ARIH1: variants seen among roughly 807,000 people sequenced by gnomAD.
ARIH1 encodes E3 ubiquitin-protein ligase ARIH1.
Under a neutral mutation model 85.0 loss-of-function variants are expected in ARIH1, and 8 were observed. That is an observed-to-expected ratio of 0.09 (90% CI 0.06 to 0.17). The LOEUF is 0.17. Among genes scored for constraint, ARIH1 ranks in the 10% least tolerant of loss-of-function variants. ARIH1 has a pLI of 1.00. For synonymous variants in ARIH1, 238 were observed against 253.6 expected (o/e 0.94, Z 0.59); for missense variants, 311 against 718.1 (o/e 0.43, Z 6.48).
At chr15:72,553,396 T>C (rs2140428337) in intron 3 of ARIH1, among the ~76,000 whole-genome samples, 1 of 152,318 alleles carries the variant, frequency 6.6e-6, no homozygotes, top group East Asian at 1.9e-4. Context: ...TCATAACAGG[T>C]TTATTGAGAT....
At chr15:72,500,004 G>T (rs1358396642) in intron 1 of ARIH1, among the ~76,000 whole-genome samples, 2 of 152,126 alleles carry the variant, frequency 1.3e-5, no homozygotes, top group African/African-American at 4.8e-5. Flanking sequence ...AGATTGGCTA[G>T]GTTGGAAACT....
At chr15:72,566,720 T>G in intron 8 of ARIH1, 115 bp downstream of exon 8, 1 of 903,088 alleles carries the variant, frequency 1.1e-6, no homozygotes, top group Non-Finnish European at 1.7e-6. Context: ...TTTTTTATCC[T>G]TTTAATTTCA....
chr15:72,545,769 C>T (rs1311410368), intron 3 of ARIH1, among the ~76,000 whole-genome samples: 1 of 152,232 alleles, frequency 6.6e-6, no homozygotes, highest in East Asian at 1.9e-4. Context: ...GCAGAGGTTA[C>T]AGTGAGCTGA....
At chr15:72,476,230 A>T (rs575671511) in intron 1 of ARIH1, among the ~76,000 whole-genome samples, 2 of 152,254 alleles carry the variant, frequency 1.3e-5, no homozygotes, top group Non-Finnish European at 2.9e-5. Flanking sequence ...TGAAGCATCT[A>T]TTCAGGCACT....
At position 72,594,811 on chromosome 15, in the gene ARIH1, C is replaced by CTTTTTTTTTTTTTTTTTTTTTTTTTTTTT. The variant is rs71137306; in HGVS notation, c.*11546_*11547insTTTTTTTTTTTTTTTTTTTTTTTTTTTTT. On this transcript the variant is annotated 3_prime_UTR_variant, in exon 14 of 14. Transcript: ENST00000379887. ...TTTTTCTGATTTTATGCCTTTTCTT[C>CTTTTTTTTTTTTTTTTTTTTTTTTTTTTT]TTTTTTTTTTTTTTTTTTTTTTTTT... 8 of 79,624 alleles carry CTTTTTTTTTTTTTTTTTTTTTTTTTTTTT rather than the reference C, an allele frequency of 1.0e-4. No homozygotes were observed. The highest frequency in any genetic ancestry group is 4.8e-4 in the East Asian group (1 of 2,078). The allele number at this position is 79,624 out of a possible 1,614,324, so 4.9% of individuals were successfully genotyped here.
At chr15:72,504,899 T>C (rs542904224) in intron 1 of ARIH1, among the ~76,000 whole-genome samples, 3 of 152,204 alleles carry the variant, frequency 2.0e-5, no homozygotes, top group Non-Finnish European at 4.4e-5. Context: ...TTGACCCTTT[T>C]AGTGACTCTA....
intron 2 of ARIH1, among the ~76,000 whole-genome samples, chr15:72,519,520 GT>G (rs896674225): frequency 1.2e-5 from 1 of 86,092 alleles, no homozygotes; most frequent in Non-Finnish European, 2.1e-5. Context: ...TTTCGCTCTT[GT>G]TGCCCAGGCT....
chr15:72,485,116 C>G (rs538046791), intron 1 of ARIH1, among the ~76,000 whole-genome samples: 1 of 152,292 alleles, frequency 6.6e-6, no homozygotes, highest in South Asian at 2.1e-4. Flanking sequence ...TTGATTATAG[C>G]CATTCTTGGC....
chr15:72,511,348 G>A (rs962517262), intron 1 of ARIH1, among the ~76,000 whole-genome samples: 1 of 152,024 alleles, frequency 6.6e-6, no homozygotes, highest in African/African-American at 2.4e-5. Flanking sequence ...TGTTGTCCAG[G>A]CTGGAGTGCA....
chr15:72,556,689 C>T (rs1284490261), intron 5 of ARIH1, among the ~76,000 whole-genome samples: 1 of 152,160 alleles, frequency 6.6e-6, no homozygotes, highest in Admixed American at 6.5e-5. Flanking sequence ...AGAACAATAC[C>T]TGATAGTTTT....
rs763495519 is a variant in ARIH1, at chr15:72,582,179, C to T, written c.1581C>T (p.Asp527=). The T allele has an allele frequency of 6.2e-6, 10 of 1,605,464 alleles. No homozygotes were observed. Among genetic ancestry groups the T allele is most frequent in the Non-Finnish European group, 8.5e-6 (10 of 1,176,300 alleles). ...SLQDIKQKVQ[D]KYRYCESRRR... ...AGGATATAAAGCAGAAAGTACAAGA[C>T]AAGTACAGGTAATTTTTTTTTAAGC... Residue 527 remains aspartate, a synonymous_variant, in exon 13 of 14, where the codon GAC becomes GAT. Transcript: ENST00000379887. The surrounding 1 kb of genome is among the most constrained non-coding windows in gnomAD (Gnocchi z 4.6).
intron 2 of ARIH1, among the ~76,000 whole-genome samples, chr15:72,530,991 A>G (rs1291051465): frequency 6.6e-6 from 1 of 152,206 alleles, no homozygotes; most frequent in East Asian, 1.9e-4. Context: ...CAGATTGGTA[A>G]AAGACCCAAA....
chr15:72,532,203 T>TGATGG (rs1216456876), intron 2 of ARIH1, among the ~76,000 whole-genome samples: 1 of 150,640 alleles, frequency 6.6e-6, no homozygotes, highest in Admixed American at 6.6e-5. Context: ...GTTGACACTT[T>TGATGG]GATGAGGTTA....
At chr15:72,537,038 T>G (rs892343821) in intron 2 of ARIH1, among the ~76,000 whole-genome samples, 1 of 152,156 alleles carries the variant, frequency 6.6e-6, no homozygotes, top group African/African-American at 2.4e-5. Flanking sequence ...GAGATTAGCT[T>G]AAGAAACCTA....
intron 2 of ARIH1, among the ~76,000 whole-genome samples, chr15:72,522,963 A>G (rs2064007003): frequency 6.6e-6 from 1 of 152,236 alleles, no homozygotes; most frequent in African/African-American, 2.4e-5. Context: ...TACCTATTAG[A>G]ATGGCCAAAA....
chr15:72,577,335 T>A (rs1018048411), intron 11 of ARIH1, among the ~76,000 whole-genome samples: 4 of 152,070 alleles, frequency 2.6e-5, no homozygotes, highest in African/African-American at 7.2e-5. Flanking sequence ...AAAGTTATTT[T>A]AAAAAATTGT....
chr15:72,483,273 T>G (rs1262293664), intron 1 of ARIH1, among the ~76,000 whole-genome samples: 1 of 152,192 alleles, frequency 6.6e-6, no homozygotes, highest in African/African-American at 2.4e-5. Context: ...AGATATCAGT[T>G]CCTTGCCATG....
At chr15:72,579,849 ATGGAGTACAG>A (rs1267504593) in intron 11 of ARIH1, among the ~76,000 whole-genome samples, 1 of 152,224 alleles carries the variant, frequency 6.6e-6, no homozygotes, top group African/African-American at 2.4e-5. Context: ...ATACACATTT[ATGGAGTACAG>A]TGGAATGTTT....
At position 72,512,983 on chromosome 15, in the gene ARIH1, G is replaced by T. The variant is rs772042884; in HGVS notation, c.376-5084G>T. On this transcript the variant is annotated intron_variant, in intron 1 of 13. Coordinates refer to ENST00000379887, the MANE Select transcript of ARIH1 (RefSeq NM_005744.5). ...GAAATATGGCCACTGTAGCCTTCAT[G>T]TGATTAGTGTTTGCGTGATATATCT... is the stretch of plus-strand genomic sequence containing the variant. 2.0e-5 allele frequency among the ~76,000 whole-genome samples: 3 copies of T among 152,064 alleles called. 1 individual carries two copies. Among genetic ancestry groups the T allele is most frequent in the Admixed American group, 2.0e-4 (3 of 15,264 alleles).
Sources: allele counts gnomAD v4.1 joint callset (sites outside exome capture counted in the v4.1 genomes callset), GRCh38; gene constraint gnomAD v4.1.1; non-coding constraint Gnocchi (gnomAD v3.1); transcripts MANE v1.5; gene names NCBI Gene and HGNC (gene_info 2026-07-23, HGNC 2026-07-21).